SMYD3: variants seen among roughly 807,000 people sequenced by gnomAD.
SMYD3 encodes the protein histone-lysine N-methyltransferase SMYD3.
A neutral mutation model predicts 57.7 loss-of-function variants in SMYD3; 36 were observed. That is an observed-to-expected ratio of 0.62 (90% CI 0.48 to 0.82). SMYD3 has a LOEUF of 0.82. Ranked by LOEUF, SMYD3 falls within the 40% of genes least tolerant of loss-of-function variation. SMYD3 has a pLI of 0.00. For synonymous variants in SMYD3, 211 were observed against 195.0 expected, an observed-to-expected ratio of 1.08 and a Z score of -0.68; for missense variants, 515 against 538.8, an observed-to-expected ratio of 0.96 and a Z score of 0.44.
intron 5 of SMYD3, among the ~76,000 whole-genome samples, chr1:246,255,371 G>A (rs1357887995): frequency 6.6e-6 from 1 of 151,210 alleles, no homozygotes; most frequent in African/African-American, 2.4e-5. Context: ...GGTTTCTTGA[G>A]GGTTTTTATC....
In SMYD3 at chr1:246,167,754, T is replaced by G. The variant is rs181345877; in HGVS notation, c.531+159447A>C. On this transcript the variant is annotated intron_variant, in intron 5 of 11. Coordinates refer to ENST00000490107, the MANE Select transcript of SMYD3 (RefSeq NM_001167740.2). ...TCAAACTCCTGACCTCAGGTGATCTTCCCACCTTGGCCTCCCAAAGTGCTG... is the reference window on the plus strand; with the variant it reads ...TCAAACTCCTGACCTCAGGTGATCTGCCCACCTTGGCCTCCCAAAGTGCTG... Among the ~76,000 whole-genome samples, 18 of 152,170 alleles carry G rather than the reference T, an allele frequency of 1.2e-4. No individual in the cohort carries two copies. In the East Asian group the frequency reaches 2.5e-3, roughly 21 times the overall value.
At chr1:246,234,917 A>C (rs2063489489) in intron 5 of SMYD3, among the ~76,000 whole-genome samples, 1 of 152,230 alleles carries the variant, frequency 6.6e-6, no homozygotes, top group African/African-American at 2.4e-5. Context: ...AAGGAAAATC[A>C]GGTCATTACC....
At chr1:246,080,034 A>G (rs10924497) in intron 5 of SMYD3, among the ~76,000 whole-genome samples, 30,515 of 152,060 alleles carry the variant, frequency 0.2, 4,748 homozygotes, top group African/African-American at 0.43. Flanking sequence ...CCTTTGGGAC[A>G]ATTTGGAACA....
chr1:245,981,782 G>A (rs2058602177), intron 5 of SMYD3, among the ~76,000 whole-genome samples: 1 of 152,238 alleles, frequency 6.6e-6, no homozygotes, highest in African/African-American at 2.4e-5. Context: ...TTAGAGTTAA[G>A]TAAGAAGGGG....
rs908174085 is a variant in SMYD3, at chr1:246,203,553, C to T, written c.531+123648G>A. 2.6e-5 allele frequency among the ~76,000 whole-genome samples: 4 copies of T among 152,208 alleles called. No individual in the cohort carries two copies. The highest frequency in any genetic ancestry group is 2.9e-5 in the Non-Finnish European group (2 of 68,036). On this transcript the variant is annotated intron_variant, in intron 5 of 11. Coordinates refer to ENST00000490107, the MANE Select transcript of SMYD3 (RefSeq NM_001167740.2). The surrounding 1 kb of genome is among the most constrained non-coding windows in gnomAD (Gnocchi z 4.6). The stretch of plus-strand genomic sequence containing the variant: ...GCCACTGTCTTGCTGCCTCCTGACA[C>T]GGCAGTCCCTCTGCGCACATGTGCT...
chr1:246,189,774 C>T (rs909654486), intron 5 of SMYD3, among the ~76,000 whole-genome samples: 13 of 152,126 alleles, frequency 8.5e-5, no homozygotes, highest in African/African-American at 1.2e-4. Context: ...GGTTTTAAGA[C>T]ATATTGAAAC....
At chr1:246,185,836 A>C (rs975992436) in intron 5 of SMYD3, among the ~76,000 whole-genome samples, 9 of 152,216 alleles carry the variant, frequency 5.9e-5, no homozygotes, top group African/African-American at 2.2e-4. Context: ...TATGCTAAAA[A>C]TGCCAAAAAG....
intron 9 of SMYD3, among the ~76,000 whole-genome samples, chr1:245,860,313 C>G (rs1388046324): frequency 1.3e-5 from 2 of 152,190 alleles, no homozygotes; most frequent in Non-Finnish European, 2.9e-5. Flanking sequence ...TTATGGTCCC[C>G]TCTCCCTCTC....
At chr1:245,906,829 G>A (rs1458615616) in intron 8 of SMYD3, among the ~76,000 whole-genome samples, 1 of 152,150 alleles carries the variant, frequency 6.6e-6, no homozygotes, top group African/African-American at 2.4e-5. Context: ...ATGAGATCCA[G>A]TCATTTGTAA....
chr1:245,774,946 G>A (rs945691872), intron 10 of SMYD3, among the ~76,000 whole-genome samples: 6 of 152,106 alleles, frequency 3.9e-5, no homozygotes, highest in Admixed American at 6.5e-5. Flanking sequence ...CGAGTGATCC[G>A]CCAGCCTCGG....
At chr1:246,222,599 C>T (rs1337233973) in intron 5 of SMYD3, among the ~76,000 whole-genome samples, 1 of 152,126 alleles carries the variant, frequency 6.6e-6, no homozygotes, top group Non-Finnish European at 1.5e-5. Context: ...ATGAATATAT[C>T]CTTCCTTAAT....
chr1:246,403,722 A>G (rs932313558), intron 1 of SMYD3, among the ~76,000 whole-genome samples: 1 of 152,244 alleles, frequency 6.6e-6, no homozygotes, highest in African/African-American at 2.4e-5. Flanking sequence ...CAAAGTGGTG[A>G]AAATTAATAA....
In SMYD3 at chr1:246,088,551, A is replaced by T. The variant is rs553362504; in HGVS notation, c.532-158614T>A. Among the ~76,000 whole-genome samples the T allele has an allele frequency of 1.3e-4, 18 of 141,104 alleles. 1 individual carries two copies. The highest frequency in any genetic ancestry group is 2.3e-4 in the African/African-American group (8 of 34,300). The allele number at this position is 141,104 out of a possible 152,430, so 92.6% of individuals were successfully genotyped here. A position where few individuals can be genotyped will look rare whatever the true frequency, so the allele number is the denominator to read the frequency against. On this transcript the variant is annotated intron_variant, in intron 5 of 11. Coordinates refer to ENST00000490107, the MANE Select transcript of SMYD3 (RefSeq NM_001167740.2). ...CGTGAACCCAGGAGGCGGAGCTTGC[A>T]GTGAGCCGAGATCATGCCACTGCAC... is the stretch of plus-strand genomic sequence containing the variant.
chr1:246,292,290 G>A (rs183515530), intron 5 of SMYD3, among the ~76,000 whole-genome samples: 3 of 151,562 alleles, frequency 2.0e-5, no homozygotes, highest in Admixed American at 2.0e-4. Context: ...CAGTACCTTA[G>A]ACTTACTATC....
At chr1:246,245,413 A>T (rs553575853) in intron 5 of SMYD3, among the ~76,000 whole-genome samples, 8,943 of 152,144 alleles carry the variant, frequency 0.059, 425 homozygotes, top group African/African-American at 0.12. Flanking sequence ...ACTGTACTCT[A>T]GCCTGGGTGA....
intron 5 of SMYD3, among the ~76,000 whole-genome samples, chr1:246,267,662 T>C (rs557086005): frequency 6.6e-6 from 1 of 152,320 alleles, no homozygotes; most frequent in Admixed American, 6.5e-5. Context: ...TCAGACATTG[T>C]GCTTATATAT....
At chr1:246,180,197 T>A (rs1242472568) in intron 5 of SMYD3, among the ~76,000 whole-genome samples, 1 of 147,450 alleles carries the variant, frequency 6.8e-6, no homozygotes, top group Non-Finnish European at 1.5e-5. Flanking sequence ...AGTAGAAAAA[T>A]ATATATACAC....
At chr1:245,885,829 A>G (rs2053060099) in intron 8 of SMYD3, among the ~76,000 whole-genome samples, 1 of 152,174 alleles carries the variant, frequency 6.6e-6, no homozygotes, top group Non-Finnish European at 1.5e-5. Flanking sequence ...GACCTTATTC[A>G]TAACATGAAG....
chr1:246,452,921 A>G (rs1423724563), intron 1 of SMYD3, among the ~76,000 whole-genome samples: 6 of 152,220 alleles, frequency 3.9e-5, no homozygotes, highest in African/African-American at 1.4e-4. Flanking sequence ...GGAGGAATAA[A>G]GAAAGCCCAC....
Sources: gnomAD v4.1 joint callset for allele counts (sites outside exome capture counted in the v4.1 genomes callset) on GRCh38, gnomAD v4.1.1 for gene constraint, Gnocchi (gnomAD v3.1) non-coding constraint, MANE v1.5 for transcripts, NCBI Gene and HGNC (gene_info 2026-07-23, HGNC 2026-07-21) for gene names.